Variants in CNIH3 observed in about 807,000 individuals in gnomAD.
CNIH3 encodes protein cornichon homolog 3.
In CNIH3, 14 loss-of-function variants were observed where a neutral mutation model predicts 24.1. The observed-to-expected ratio is 0.58, with a 90% CI of 0.38 to 0.91. The LOEUF is 0.91. CNIH3 is among the 40% of genes least tolerant of loss of function. The pLI, the probability that CNIH3 is intolerant of heterozygous loss-of-function variation, is 0.00. For missense variants in CNIH3, 178 were observed against 196.8 expected, an observed-to-expected ratio of 0.90 and a Z score of 0.57; for synonymous variants, 68 against 73.8, an observed-to-expected ratio of 0.92 and a Z score of 0.40.
chr1:224,587,823 T>C (rs1681574532), intron 5 of CNIH3, among the ~76,000 whole-genome samples: 1 of 151,702 alleles, frequency 6.6e-6, no homozygotes, highest in South Asian at 2.1e-4. Flanking sequence ...GTGCCAGCAG[T>C]CCCAGCTACT....
chr1:224,602,213 G>GT (rs1202041892), intron 3 of CNIH3, among the ~76,000 whole-genome samples: 1 of 152,152 alleles, frequency 6.6e-6, no homozygotes, highest in Non-Finnish European at 1.5e-5. Context: ...TTTCAGTAAT[G>GT]TTTTCCAACA....
Position 224,455,124 on chromosome 1 carries a change from C to T in CNIH3, n.203+20262C>T, listed in dbSNP as rs555937934. 6.1e-4 allele frequency among the ~76,000 whole-genome samples: 93 copies of T among 152,320 alleles called. 1 individual carries two copies. Among genetic ancestry groups the T allele is most frequent in the African/African-American group, 2.1e-3 (88 of 41,568 alleles). ...GTAGCCTACAGTTGGGCAAAATCAT[C>T]TAACACAAAGCCTATTATATAATAA... On this transcript the variant is annotated intron_variant and non_coding_transcript_variant, in intron 1 of 5. Coordinates refer to the CNIH3 transcript ENST00000471578.
intron 3 of CNIH3, among the ~76,000 whole-genome samples, chr1:224,710,911 A>G (rs116103925): frequency 0.01 from 1,556 of 152,290 alleles, 16 homozygotes; most frequent in Middle Eastern, 0.027. Flanking sequence ...TTCCTGCATA[A>G]TGATATCTTG....
intron 4 of CNIH3, chr1:224,574,586 T>G: frequency 6.3e-6 from 5 of 794,354 alleles, no homozygotes; most frequent in African/African-American, 1.7e-5. Flanking sequence ...TGTACCAGAA[T>G]GAGAATGACG....
chr1:224,599,206 A>C (rs997602376), intron 3 of CNIH3, among the ~76,000 whole-genome samples: 1 of 152,210 alleles, frequency 6.6e-6, no homozygotes, highest in Admixed American at 6.5e-5. Flanking sequence ...TCAGCTGGGC[A>C]CTTGTCTCTG....
At chr1:224,450,002 A>ATG (rs1252104831) in intron 1 of CNIH3, among the ~76,000 whole-genome samples, 132 of 151,572 alleles carry the variant, frequency 8.7e-4, no homozygotes, top group African/African-American at 2.8e-3. Context: ...CACATTATAC[A>ATG]CGCACACACA....
At chr1:224,730,362 G>T (rs537982976) in intron 3 of CNIH3, 100 bp from the exon 4 acceptor site, 3 of 728,276 alleles carry the variant, frequency 4.1e-6, no homozygotes, top group East Asian at 5.4e-5. Flanking sequence ...TGTGTCAACC[G>T]TCTGTGAGAG....
chr1:224,485,293 T>G (rs745859529), intron 1 of CNIH3, among the ~76,000 whole-genome samples: 7 of 152,228 alleles, frequency 4.6e-5, no homozygotes, highest in African/African-American at 7.2e-5. Flanking sequence ...ATCTTTCCTT[T>G]TCTTCACTGA....
chr1:224,695,993 G>T (rs1370875955), intron 3 of CNIH3, among the ~76,000 whole-genome samples: 2 of 152,188 alleles, frequency 1.3e-5, no homozygotes, highest in African/African-American at 2.4e-5. Context: ...TGTGTGAGAG[G>T]CAGGAAAGCG....
chr1:224,627,384 C>G (rs1312998442), intron 1 of CNIH3, among the ~76,000 whole-genome samples: 1 of 152,076 alleles, frequency 6.6e-6, no homozygotes, highest in African/African-American at 2.4e-5. Flanking sequence ...TGCCACCACA[C>G]CCAGCTAATT....
chr1:224,575,028 A>T (rs1680976395), intron 4 of CNIH3: 1 of 875,626 alleles, frequency 1.1e-6, no homozygotes, highest in Non-Finnish European at 2.0e-6. Flanking sequence ...GGAGAAGTTA[A>T]TCCAGTACTG....
rs1675368183 is a variant in CNIH3 at position 224,450,886 on chromosome 1, T to TGG, written n.203+16025_203+16026insGG. ...TCCATTATTCTTTGGGCCTTCACTT[T>TGG]GCCCAAGGCACACAGTTAATATAAC... On this transcript the variant is annotated intron_variant and non_coding_transcript_variant, in intron 1 of 5. Transcript: ENST00000471578. Among the ~76,000 whole-genome samples, 11 of 152,364 alleles carry TGG rather than the reference T, an allele frequency of 7.2e-5. No homozygotes were observed. The South Asian group carries it at 2.3e-3, about 32-fold the overall frequency.
At chr1:224,551,308 A>T (rs1679911342) in intron 3 of CNIH3, among the ~76,000 whole-genome samples, 1 of 152,300 alleles carries the variant, frequency 6.6e-6, no homozygotes, top group South Asian at 2.1e-4. Flanking sequence ...AATAGCAAAG[A>T]CTTGGAATCA....
At chr1:224,482,896 G>A (rs1469433077) in intron 1 of CNIH3, among the ~76,000 whole-genome samples, 3 of 152,132 alleles carry the variant, frequency 2.0e-5, no homozygotes, top group Admixed American at 6.5e-5. Context: ...CGGTGACAAG[G>A]CTTGCTGAAA....
chr1:224,678,385 A>T (rs1180842709), intron 1 of CNIH3, among the ~76,000 whole-genome samples: 2 of 152,230 alleles, frequency 1.3e-5, no homozygotes. Flanking sequence ...TATAGAACAG[A>T]GGAGGTGAGT....
At chr1:224,440,764 TC>T (rs1416435126) in intron 1 of CNIH3, among the ~76,000 whole-genome samples, 1 of 152,090 alleles carries the variant, frequency 6.6e-6, no homozygotes, top group East Asian at 1.9e-4. Context: ...TTCTTATTTT[TC>T]CATTTAATAC....
chr1:224,676,671 ACTGT>A (rs1188210512), intron 1 of CNIH3, among the ~76,000 whole-genome samples: 3 of 152,120 alleles, frequency 2.0e-5, no homozygotes, highest in Non-Finnish European at 4.4e-5. Flanking sequence ...GCTGAATTAA[ACTGT>A]CTGGCCGTTC....
chr1:224,537,424 A>G (rs1399958478), downstream of CNIH3: 2 of 152,248 alleles, frequency 1.3e-5, no homozygotes, highest in Admixed American at 6.5e-5. Flanking sequence ...AAAGGCTGAT[A>G]AAAGACTGGA....
At chr1:224,634,598 GT>G (rs1255631917) in intron 1 of CNIH3, among the ~76,000 whole-genome samples, 1 of 149,360 alleles carries the variant, frequency 6.7e-6, no homozygotes, top group Non-Finnish European at 1.5e-5. Context: ...AAAAAAAAAG[GT>G]TTTTTGCTAG....
Sources: gnomAD v4.1 joint callset for allele counts (sites outside exome capture counted in the v4.1 genomes callset) on GRCh38, gnomAD v4.1.1 for gene constraint, MANE v1.5 for transcripts, NCBI Gene and HGNC (gene_info 2026-07-23, HGNC 2026-07-21) for gene names.